LPP: variants seen among roughly 807,000 people sequenced by gnomAD.
LPP encodes lipoma-preferred partner.
LPP carries 38 observed loss-of-function variants against 60.4 expected under a neutral mutation model. The observed-to-expected ratio is 0.63, with a 90% CI of 0.49 to 0.83. The LOEUF is 0.83. Among genes scored for constraint, LPP ranks in the 40% least tolerant of loss-of-function variants. LPP has a pLI of 0.00. For synonymous variants in LPP, 328 were observed against 290.8 expected, an observed-to-expected ratio of 1.13 and a Z score of -1.30; for missense variants, 902 against 783.6, an observed-to-expected ratio of 1.15 and a Z score of -1.80.
At chr3:188,523,343 G>A (rs1462869966) in intron 5 of LPP, among the ~76,000 whole-genome samples, 1 of 152,096 alleles carries the variant, frequency 6.6e-6, no homozygotes, top group African/African-American at 2.4e-5. Flanking sequence ...GCCCAGGAAG[G>A]ATTAACTCAA....
In LPP at chr3:188,709,805, T is replaced by G. The variant is rs570100383; in HGVS notation, c.1240+1412T>G. The G allele has an allele frequency of 5.9e-5, 9 of 152,358 alleles. No homozygotes were observed. In the Middle Eastern group the frequency reaches 0.017, roughly 288 times the overall value. The allele number at this position is 152,358 out of a possible 1,614,324, so 9.4% of individuals were successfully genotyped here. A position where few individuals can be genotyped will look rare whatever the true frequency, so the allele number is the denominator to read the frequency against. On this transcript the variant is annotated intron_variant, in intron 8 of 11. Coordinates refer to ENST00000617246, the MANE Select transcript of LPP (RefSeq NM_001375462.1). ...CCTCCCAATCTGTTGGAGACCAGTA[T>G]TTTTGTTGAGTCAGTTAAAATTAAT...
intron 7 of LPP, among the ~76,000 whole-genome samples, chr3:188,672,578 C>T (rs1250034095): frequency 6.6e-6 from 1 of 152,162 alleles, no homozygotes; most frequent in African/African-American, 2.4e-5. Flanking sequence ...ATTTTACCTG[C>T]TCCATTTTTG....
chr3:188,495,702 CA>C (rs1317174636), intron 5 of LPP, among the ~76,000 whole-genome samples: 1 of 152,182 alleles, frequency 6.6e-6, no homozygotes, highest in African/African-American at 2.4e-5. Flanking sequence ...TTGATTGTAT[CA>C]CATACCTTTT....
chr3:188,515,122 A>G (rs950244887), intron 5 of LPP, among the ~76,000 whole-genome samples: 7 of 152,128 alleles, frequency 4.6e-5, no homozygotes, highest in Admixed American at 6.5e-5. Flanking sequence ...CCTCCAAATC[A>G]TGTCAGAATG....
chr3:188,688,959 G>T (rs1048796460), intron 7 of LPP: 1 of 489,674 alleles, frequency 2.0e-6, no homozygotes, highest in African/African-American at 2.1e-5. Flanking sequence ...TCTGTTAACT[G>T]CTCTGAAAAT....
At chr3:188,643,312 T>C (rs1395727740) in intron 7 of LPP, among the ~76,000 whole-genome samples, 1 of 152,196 alleles carries the variant, frequency 6.6e-6, no homozygotes, top group Non-Finnish European at 1.5e-5. Flanking sequence ...ACGAGTAAAA[T>C]GTGCTGAGAC....
chr3:188,328,897 T>TA (rs1458689426), intron 2 of LPP, among the ~76,000 whole-genome samples: 2 of 152,222 alleles, frequency 1.3e-5, no homozygotes, highest in Admixed American at 6.5e-5. Context: ...ATAAGATTGA[T>TA]ACGTTTCAAT....
In LPP at chr3:188,158,642, C is replaced by T. The variant is rs374541087; in HGVS notation, c.-190+4390C>T. Among the ~76,000 whole-genome samples the T allele has an allele frequency of 1.2e-4, 19 of 152,112 alleles. No individual in the cohort carries two copies. In the East Asian group the frequency reaches 2.3e-3, roughly 19 times the overall value. ...TTTTGAAATATTTTCAAATGCTTAC[C>T]ACCTGTTATGTAATTATCATATTGA... is the stretch of plus-strand genomic sequence containing the variant. On this transcript the variant is annotated intron_variant, in intron 1 of 11. Coordinates refer to ENST00000617246, the MANE Select transcript of LPP (RefSeq NM_001375462.1).
At chr3:188,732,604 G>T (rs1721019458) in intron 8 of LPP, among the ~76,000 whole-genome samples, 1 of 151,084 alleles carries the variant, frequency 6.6e-6, no homozygotes, top group Non-Finnish European at 1.5e-5. Flanking sequence ...TGTAATCCCA[G>T]CTACTTGGGA....
intron 3 of LPP, among the ~76,000 whole-genome samples, chr3:188,369,568 G>T (rs891479875): frequency 6.6e-6 from 1 of 152,132 alleles, no homozygotes; most frequent in South Asian, 2.1e-4. Context: ...AAACTACAAA[G>T]CATCTCATAC....
intron 9 of LPP, among the ~76,000 whole-genome samples, chr3:188,814,004 A>T (rs923330406): frequency 2.0e-5 from 3 of 152,106 alleles, no homozygotes; most frequent in African/African-American, 7.2e-5. Flanking sequence ...CCGGGGAGAC[A>T]GAGGTTGCAG....
At chr3:188,498,756 A>G (rs897058298) in intron 5 of LPP, among the ~76,000 whole-genome samples, 1 of 152,194 alleles carries the variant, frequency 6.6e-6, no homozygotes, top group African/African-American at 2.4e-5. Flanking sequence ...CAGCAGCTGT[A>G]CTGTTTCCAT....
At chr3:188,156,703 A>G (rs1716548269) in intron 1 of LPP, among the ~76,000 whole-genome samples, 1 of 152,018 alleles carries the variant, frequency 6.6e-6, no homozygotes, top group African/African-American at 2.4e-5. Context: ...GTGTGGTGGC[A>G]TGTGCCTGTA....
At chr3:188,659,161 A>C (rs1854019123) in intron 7 of LPP, among the ~76,000 whole-genome samples, 1 of 152,194 alleles carries the variant, frequency 6.6e-6, no homozygotes, top group South Asian at 2.1e-4. Context: ...TAGCAGGGAT[A>C]ATTTTTCTTC....
At chr3:188,724,531 C>T (rs970804717) in intron 8 of LPP, among the ~76,000 whole-genome samples, 3 of 152,312 alleles carry the variant, frequency 2.0e-5, no homozygotes, top group African/African-American at 7.2e-5. Context: ...TCTGCTGAGA[C>T]AGTGTCTTTG....
chr3:188,385,766 T>C (rs1778105462), intron 3 of LPP, among the ~76,000 whole-genome samples: 1 of 152,138 alleles, frequency 6.6e-6, no homozygotes, highest in Non-Finnish European at 1.5e-5. Context: ...TGTGCATCTG[T>C]TGGAGGATAT....
intron 2 of LPP, among the ~76,000 whole-genome samples, chr3:188,295,404 C>T (rs1279960171): frequency 2.0e-5 from 3 of 152,204 alleles, no homozygotes; most frequent in Non-Finnish European, 2.9e-5. Context: ...GTGACAAAAC[C>T]ACAGTCATCC....
chr3:188,723,495 C>G (rs1345731998), intron 8 of LPP, among the ~76,000 whole-genome samples: 2 of 152,110 alleles, frequency 1.3e-5, no homozygotes, highest in Admixed American at 1.3e-4. Context: ...GAGACTGGAC[C>G]CTCTATTGAA....
intron 9 of LPP, among the ~76,000 whole-genome samples, chr3:188,776,641 G>A (rs368150701): frequency 1.8e-4 from 28 of 152,296 alleles, no homozygotes; most frequent in East Asian, 3.9e-4. Flanking sequence ...TGGAAAAGCC[G>A]TGTTAGTGCT....
Sources: gnomAD v4.1 joint callset for allele counts (sites outside exome capture counted in the v4.1 genomes callset) on GRCh38, gnomAD v4.1.1 for gene constraint, MANE v1.5 for transcripts, NCBI Gene and HGNC (gene_info 2026-07-23, HGNC 2026-07-21) for gene names.